The following TMEM132D variants were observed in gnomAD, a reference collection of about 807,000 sequenced individuals.
TMEM132D encodes the protein mature OL transmembrane protein.
Under a neutral mutation model 62.3 loss-of-function variants are expected in TMEM132D, and 21 were observed. That is an observed-to-expected ratio of 0.34 (90% CI 0.24 to 0.49). The LOEUF (loss-of-function observed/expected upper bound fraction) is 0.49. TMEM132D is among the 20% of genes least tolerant of loss of function. The probability of loss-of-function intolerance (pLI) is 0.99; values close to 1 mark genes in which losing one functional copy is unlikely to be tolerated. For missense variants in TMEM132D, 1,346 were observed against 1,402.8 expected, an observed-to-expected ratio of 0.96 and a Z score of 0.65; for synonymous variants, 621 against 575.6, an observed-to-expected ratio of 1.08 and a Z score of -1.13.
chr12:129,263,807 AG>A (rs1880615651), intron 4 of TMEM132D, among the ~76,000 whole-genome samples: 2 of 152,136 alleles, frequency 1.3e-5, no homozygotes, highest in Non-Finnish European at 2.9e-5. Context: ...ACCTGCAGTC[AG>A]GGTTCTTCAG....
chr12:129,590,062 T>C lies in TMEM132D; in HGVS notation c.969-58857A>G, dbSNP rs532363689. Among the ~76,000 whole-genome samples, 12 of 152,352 alleles carry C rather than the reference T, an allele frequency of 7.9e-5. No individual in the cohort carries two copies. In the East Asian group the frequency reaches 2.3e-3, roughly 29 times the overall value. On this transcript the variant is annotated intron_variant, in intron 2 of 8. Coordinates refer to ENST00000422113, the MANE Select transcript of TMEM132D (RefSeq NM_133448.3). The stretch of plus-strand genomic sequence containing the variant: ...GAGTACATATTTAGTTCCTTTAATC[T>C]TTCTTCATAAATCAATTCCTTCAGT...
chr12:129,451,262 C>G (rs1169044525), intron 3 of TMEM132D, among the ~76,000 whole-genome samples: 1 of 152,110 alleles, frequency 6.6e-6, no homozygotes, highest in African/African-American at 2.4e-5. Flanking sequence ...ACAACAGAAA[C>G]AAATCTGCCA....
chr12:129,757,665 T>C (rs368580589), intron 1 of TMEM132D, among the ~76,000 whole-genome samples: 3 of 152,326 alleles, frequency 2.0e-5, no homozygotes, highest in South Asian at 2.1e-4. Context: ...GCTGCCACCC[T>C]ACAGCAGCCA....
At chr12:129,637,177 T>A (rs1251656056) in intron 2 of TMEM132D, among the ~76,000 whole-genome samples, 1 of 152,216 alleles carries the variant, frequency 6.6e-6, no homozygotes, top group East Asian at 1.9e-4. Flanking sequence ...TTTTTGAAAA[T>A]GTCAACCTTA....
chr12:129,833,993 T>C (rs1372032580), intron 1 of TMEM132D, among the ~76,000 whole-genome samples: 1 of 152,206 alleles, frequency 6.6e-6, no homozygotes, highest in African/African-American at 2.4e-5. Context: ...CCCAGCCTGG[T>C]TGGGGGAATC....
intron 2 of TMEM132D, among the ~76,000 whole-genome samples, chr12:129,606,807 G>A (rs867436736): frequency 2.0e-5 from 3 of 152,156 alleles, no homozygotes; most frequent in East Asian, 1.9e-4. Context: ...AAACATCTGA[G>A]TATATTATCT....
At chr12:129,447,543 A>G (rs1348858597) in intron 3 of TMEM132D, among the ~76,000 whole-genome samples, 2 of 152,194 alleles carry the variant, frequency 1.3e-5, no homozygotes. Flanking sequence ...AGCAAACATG[A>G]GGATTTAAAG....
At chr12:129,251,153 T>C (rs1880252538) in intron 4 of TMEM132D, among the ~76,000 whole-genome samples, 2 of 151,420 alleles carry the variant, frequency 1.3e-5, no homozygotes, top group Non-Finnish European at 2.9e-5. Flanking sequence ...AGCTCAGGAG[T>C]TCGAGACCAG....
At chr12:129,127,354 C>G (rs1207917199) in intron 5 of TMEM132D, among the ~76,000 whole-genome samples, 4 of 152,182 alleles carry the variant, frequency 2.6e-5, no homozygotes, top group Non-Finnish European at 4.4e-5. Flanking sequence ...CCACACAACT[C>G]CAGAGCAGCT....
At chr12:129,736,264 A>G (rs1230782497) in intron 1 of TMEM132D, among the ~76,000 whole-genome samples, 1 of 152,168 alleles carries the variant, frequency 6.6e-6, no homozygotes, top group Non-Finnish European at 1.5e-5. Context: ...CTTCTTTTTT[A>G]TGGTACATAG....
At chr12:129,811,432 C>T (rs907251801) in intron 1 of TMEM132D, among the ~76,000 whole-genome samples, 1 of 151,534 alleles carries the variant, frequency 6.6e-6, no homozygotes, top group Non-Finnish European at 1.5e-5. Flanking sequence ...CCGGATACTC[C>T]GGGACCACAT....
chr12:129,099,443 G>C (rs1219277847), intron 5 of TMEM132D, among the ~76,000 whole-genome samples: 1 of 152,186 alleles, frequency 6.6e-6, no homozygotes, highest in Non-Finnish European at 1.5e-5. Context: ...GAGCTTTCTG[G>C]TGCCAGGTCA....
At chr12:129,872,372 T>C (rs186039958) in intron 1 of TMEM132D, among the ~76,000 whole-genome samples, 1 of 152,120 alleles carries the variant, frequency 6.6e-6, no homozygotes, top group African/African-American at 2.4e-5. Flanking sequence ...AACTTCCCAA[T>C]GGAACAACTC....
At chr12:129,584,111 C>T (rs566518582) in intron 2 of TMEM132D, among the ~76,000 whole-genome samples, 2 of 152,156 alleles carry the variant, frequency 1.3e-5, no homozygotes, top group South Asian at 4.2e-4. Flanking sequence ...GGTCACAATT[C>T]ATTCCTACTT....
intron 3 of TMEM132D, among the ~76,000 whole-genome samples, chr12:129,439,597 G>A (rs984783358): frequency 3.3e-5 from 5 of 151,922 alleles, no homozygotes; most frequent in East Asian, 3.9e-4. Flanking sequence ...ACAGGTGCCC[G>A]CCATCACAAC....
intron 3 of TMEM132D, among the ~76,000 whole-genome samples, chr12:129,515,118 T>C (rs1875633652): frequency 6.6e-6 from 1 of 152,202 alleles, no homozygotes; most frequent in Non-Finnish European, 1.5e-5. Flanking sequence ...CCGTAAGCAC[T>C]GTGTGTACAG....
At chr12:129,663,420 G>A (rs528800988) in intron 2 of TMEM132D, among the ~76,000 whole-genome samples, 14 of 152,316 alleles carry the variant, frequency 9.2e-5, no homozygotes, top group African/African-American at 3.4e-4. Context: ...TTACAGGCAT[G>A]AGCCACCATG....
intron 1 of TMEM132D, among the ~76,000 whole-genome samples, chr12:129,834,169 G>T (rs1054829457): frequency 6.6e-6 from 1 of 150,456 alleles, no homozygotes; most frequent in Non-Finnish European, 1.5e-5. Context: ...AATGTAGCCT[G>T]GAAATACACT....
chr12:129,604,560 C>A (rs1198290087), intron 2 of TMEM132D, among the ~76,000 whole-genome samples: 2 of 152,152 alleles, frequency 1.3e-5, no homozygotes, highest in African/African-American at 4.8e-5. Flanking sequence ...TAATTCAGAA[C>A]ACTACAGATG....
Sources: allele counts gnomAD v4.1 joint callset (sites outside exome capture counted in the v4.1 genomes callset), GRCh38; gene constraint gnomAD v4.1.1; transcripts MANE v1.5; gene names NCBI Gene and HGNC (gene_info 2026-07-23, HGNC 2026-07-21).